Variants in SUGCT observed in about 807,000 individuals in gnomAD.
SUGCT encodes succinyl-CoA:glutarate CoA-transferase.
Under a neutral mutation model 55.0 loss-of-function variants are expected in SUGCT, and 41 were observed. The observed-to-expected ratio is 0.74, with a 90% CI of 0.58 to 0.97. The LOEUF (loss-of-function observed/expected upper bound fraction) is 0.97, where lower values mean the gene tolerates loss of function less well. Ranked by LOEUF, SUGCT falls within the 50% of genes least tolerant of loss-of-function variation. SUGCT has a pLI of 0.00. For missense variants in SUGCT, 568 were observed against 547.8 expected, an observed-to-expected ratio of 1.04 and a Z score of -0.37; for synonymous variants, 187 against 200.4, an observed-to-expected ratio of 0.93 and a Z score of 0.56.
In SUGCT at chr7:40,592,778, G is replaced by A. The variant is rs188915492; in HGVS notation, c.1089+96392G>A. Among the ~76,000 whole-genome samples, 7 of 152,214 alleles carry A rather than the reference G, an allele frequency of 4.6e-5. No homozygotes were observed. In the East Asian group the frequency reaches 1.2e-3, roughly 25 times the overall value. ...AGAGGTAGTAGCAAGTCTATGTTTT[G>A]TTTTGTTTCCCCATGATCAAGGAGG... On this transcript the variant is annotated intron_variant, in intron 12 of 13. Coordinates refer to ENST00000335693, the MANE Select transcript of SUGCT (RefSeq NM_001193313.2).
the SUGCT span, among the ~76,000 whole-genome samples, chr7:40,906,951 G>A: frequency 6.6e-6 from 1 of 152,152 alleles, no homozygotes; most frequent in Non-Finnish European, 1.5e-5. Flanking sequence ...AGCATTGCTG[G>A]CCTCCCAGAG....
At chr7:40,413,375 A>G (rs1380042201) in intron 9 of SUGCT, among the ~76,000 whole-genome samples, 1 of 152,180 alleles carries the variant, frequency 6.6e-6, no homozygotes, top group Non-Finnish European at 1.5e-5. Flanking sequence ...GTTTCAGGCA[A>G]GAACCCTACT....
At chr7:40,640,318 G>A (rs991953874) in intron 12 of SUGCT, among the ~76,000 whole-genome samples, 4 of 152,166 alleles carry the variant, frequency 2.6e-5, no homozygotes, top group African/African-American at 9.7e-5. Flanking sequence ...TTTAGCAGCT[G>A]GAAACCTTAT....
At chr7:40,562,536 T>G (rs1356082426) in intron 12 of SUGCT, among the ~76,000 whole-genome samples, 1 of 152,142 alleles carries the variant, frequency 6.6e-6, no homozygotes, top group Non-Finnish European at 1.5e-5. Context: ...AACTTCAATT[T>G]GTAGGACTGA....
chr7:40,807,348 A>G (rs1791158039), intron 13 of SUGCT, among the ~76,000 whole-genome samples: 2 of 152,118 alleles, frequency 1.3e-5, no homozygotes, highest in Admixed American at 1.3e-4. Flanking sequence ...AGAACAAGAA[A>G]TTTTGACGTG....
chr7:40,594,627 A>G (rs566886516), intron 12 of SUGCT, among the ~76,000 whole-genome samples: 2 of 152,310 alleles, frequency 1.3e-5, no homozygotes, highest in East Asian at 1.9e-4. Context: ...ATCTCTTACC[A>G]TGAACTTCTT....
intron 6 of SUGCT, among the ~76,000 whole-genome samples, chr7:40,204,842 G>A (rs1786863073): frequency 6.6e-6 from 1 of 152,112 alleles, no homozygotes; most frequent in South Asian, 2.1e-4. Context: ...GTGGAGGTGG[G>A]AGGATCATTT....
At chr7:40,489,297 G>A (rs1791553308) in intron 11 of SUGCT, among the ~76,000 whole-genome samples, 1 of 150,632 alleles carries the variant, frequency 6.6e-6, no homozygotes, top group Non-Finnish European at 1.5e-5. Context: ...CCAGGATTTG[G>A]GATTTTTAAA....
chr7:40,654,608 C>T (rs906183247), intron 12 of SUGCT, among the ~76,000 whole-genome samples: 2 of 152,202 alleles, frequency 1.3e-5, no homozygotes, highest in African/African-American at 4.8e-5. Flanking sequence ...ATTTAAATAT[C>T]GATTTAATCT....
intron 13 of SUGCT, among the ~76,000 whole-genome samples, chr7:40,818,482 A>G (rs1301877065): frequency 1.3e-5 from 2 of 152,228 alleles, no homozygotes; most frequent in Non-Finnish European, 2.9e-5. Context: ...TTCATAAAGA[A>G]CTGGTAAGGA....
chr7:40,452,910 A>G (rs1789267376), intron 10 of SUGCT, among the ~76,000 whole-genome samples: 1 of 152,196 alleles, frequency 6.6e-6, no homozygotes, highest in African/African-American at 2.4e-5. Flanking sequence ...TGAAAAGTAA[A>G]TAGTAAGAGA....
chr7:40,434,903 T>C (rs1443868908), intron 9 of SUGCT, among the ~76,000 whole-genome samples: 1 of 152,166 alleles, frequency 6.6e-6, no homozygotes, highest in Non-Finnish European at 1.5e-5. Context: ...TTTTAATATT[T>C]GGTTACTCCA....
At chr7:40,554,146 A>G (rs1234068272) in intron 12 of SUGCT, among the ~76,000 whole-genome samples, 2 of 152,226 alleles carry the variant, frequency 1.3e-5, no homozygotes, top group Admixed American at 6.5e-5. Flanking sequence ...TAAATGTTGT[A>G]AGGCATGTAA....
At chr7:40,318,113 C>A (rs751292197) in intron 9 of SUGCT, among the ~76,000 whole-genome samples, 3 of 152,216 alleles carry the variant, frequency 2.0e-5, no homozygotes, top group Non-Finnish European at 4.4e-5. Context: ...GGTTAGAGAT[C>A]ATCAGATTTA....
At chr7:40,736,793 C>T (rs1023783069) in intron 12 of SUGCT, among the ~76,000 whole-genome samples, 1 of 151,900 alleles carries the variant, frequency 6.6e-6, no homozygotes, top group African/African-American at 2.4e-5. Flanking sequence ...TATTTGGAAG[C>T]AAAGTAACTT....
intron 8 of SUGCT, among the ~76,000 whole-genome samples, chr7:40,287,870 A>G (rs1409582808): frequency 6.6e-6 from 1 of 152,182 alleles, no homozygotes; most frequent in Non-Finnish European, 1.5e-5. Context: ...TTATCATGAA[A>G]GAGTGTTGAA....
chr7:40,674,307 G>C (rs1490132930), intron 12 of SUGCT, among the ~76,000 whole-genome samples: 1 of 152,166 alleles, frequency 6.6e-6, no homozygotes, highest in African/African-American at 2.4e-5. Context: ...CAAATCTGAT[G>C]CTTCACTTCA....
At chr7:40,236,816 G>C (rs1449137709) in intron 6 of SUGCT, among the ~76,000 whole-genome samples, 1 of 151,950 alleles carries the variant, frequency 6.6e-6, no homozygotes, top group Non-Finnish European at 1.5e-5. Flanking sequence ...GTGAGAATGT[G>C]GGCCTGGTTT....
At chr7:40,883,606 G>A in the SUGCT span, among the ~76,000 whole-genome samples, 2 of 152,124 alleles carry the variant, frequency 1.3e-5, no homozygotes, top group African/African-American at 2.4e-5. Context: ...CATGCAAAAT[G>A]CTTACTACAG....
Sources: gnomAD v4.1 joint callset for allele counts (sites outside exome capture counted in the v4.1 genomes callset) on GRCh38, gnomAD v4.1.1 for gene constraint, MANE v1.5 for transcripts, NCBI Gene and HGNC (gene_info 2026-07-23, HGNC 2026-07-21) for gene names.